Variants in CCDC77 observed in about 807,000 individuals in gnomAD.
The protein encoded by CCDC77 is coiled-coil domain-containing protein 77.
In CCDC77, 56 loss-of-function variants were observed where a neutral mutation model predicts 66.8. The ratio of observed to expected loss-of-function variants is 0.84; its 90% CI spans 0.68 to 1.05. The LOEUF is 1.05. Among genes scored for constraint, CCDC77 ranks in the 50% least tolerant of loss-of-function variants. CCDC77 has a pLI of 0.00. For missense variants in CCDC77, 570 were observed against 576.8 expected, an observed-to-expected ratio of 0.99 and a Z score of 0.12; for synonymous variants, 196 against 195.2, an observed-to-expected ratio of 1.00 and a Z score of -0.03.
At chr12:432,915 C>G (rs1260063397) in intron 8 of CCDC77, among the ~76,000 whole-genome samples, 1 of 152,116 alleles carries the variant, frequency 6.6e-6, no homozygotes, top group Non-Finnish European at 1.5e-5. Flanking sequence ...TGGTACACAC[C>G]TGTAGTCCTG....
chr12:412,970 G>T (rs11829106), intron 4 of CCDC77, among the ~76,000 whole-genome samples: 6,760 of 150,334 alleles, frequency 0.045, 462 homozygotes, highest in African/African-American at 0.15. Context: ...ACGGAGTCTC[G>T]CTCTGTCGCC....
chr12:411,850 C>G lies in CCDC77; in HGVS notation c.142C>G (p.Arg48Gly). The change falls in exon 4 of 13, where the codon CGT becomes GGT. Residue 48 changes from arginine to glycine, a missense_variant. Coordinates refer to ENST00000239830, the MANE Select transcript of CCDC77 (RefSeq NM_032358.4). The stretch of plus-strand genomic sequence containing the variant: ...AACCCCCTTGCCTTCCCCCGAAGAT[C>G]GTCTGGCCAAACTCCATCCTTCTAA... The part of the protein sequence containing the change: ...ESTPLPSPED[R>G]LAKLHPSKEL... The G allele has an allele frequency of 6.2e-7, 1 of 1,613,878 alleles. No homozygotes were observed. The highest frequency in any genetic ancestry group is 1.1e-5 in the South Asian group (1 of 91,076).
intron 10 of CCDC77, among the ~76,000 whole-genome samples, chr12:439,969 G>C (rs1474564760): frequency 6.6e-6 from 1 of 152,146 alleles, no homozygotes; most frequent in Non-Finnish European, 1.5e-5. Flanking sequence ...TACAGACCTT[G>C]AGGAAGAACA....
intron 4 of CCDC77, among the ~76,000 whole-genome samples, chr12:417,721 C>T (rs1945314097): frequency 6.6e-6 from 1 of 152,048 alleles, no homozygotes; most frequent in African/African-American, 2.4e-5. Flanking sequence ...TCAAGCCAGC[C>T]TGGCCAAAAT....
chr12:425,934 A>G (rs1484301667), intron 5 of CCDC77, among the ~76,000 whole-genome samples: 1 of 152,098 alleles, frequency 6.6e-6, no homozygotes, highest in African/African-American at 2.4e-5. Flanking sequence ...GCGTGATCGC[A>G]GCTCACTGCA....
At chr12:390,063 CTG>C (rs1262809129) in intron 1 of CCDC77, 1 of 133,164 alleles carries the variant, frequency 7.5e-6, no homozygotes, top group Non-Finnish European at 1.5e-5. Context: ...TAATTGTTCA[CTG>C]TTTCTTCAGT....
At chr12:439,488 C>A (rs936344485) in intron 10 of CCDC77, among the ~76,000 whole-genome samples, 5 of 150,630 alleles carry the variant, frequency 3.3e-5, no homozygotes, top group Non-Finnish European at 7.4e-5. Context: ...CGATTGTACT[C>A]CAGCCTGGGC....
upstream of CCDC77, among the ~76,000 whole-genome samples, chr12:399,324 A>G (rs1944867894): frequency 1.3e-5 from 2 of 152,160 alleles, no homozygotes; most frequent in African/African-American, 4.8e-5. Context: ...GGCATGCGCC[A>G]TCATGGCCAG....
chr12:399,051 C>T (rs1036483968), upstream of CCDC77, among the ~76,000 whole-genome samples: 1 of 152,170 alleles, frequency 6.6e-6, no homozygotes, highest in Non-Finnish European at 1.5e-5. Flanking sequence ...CTCACCAAGC[C>T]AAGTCACAAA....
At chr12:391,893 G>A (rs1291790935) in intron 1 of CCDC77, among the ~76,000 whole-genome samples, 2 of 152,176 alleles carry the variant, frequency 1.3e-5, no homozygotes, top group Non-Finnish European at 2.9e-5. Context: ...TCTCTGGTGC[G>A]AACAGAAGAA....
intron 7 of CCDC77, among the ~76,000 whole-genome samples, chr12:430,953 G>A (rs1323580291): frequency 6.6e-6 from 1 of 151,446 alleles, no homozygotes; most frequent in Non-Finnish European, 1.5e-5. Context: ...GGTGGCAGGC[G>A]CCTGTAATCC....
chr12:431,828 A>C (rs7310504), intron 7 of CCDC77, 38 bp from the exon 8 acceptor site: 1 of 1,336,204 alleles, frequency 7.5e-7, no homozygotes, highest in Non-Finnish European at 1.1e-6. Context: ...AGAAAAGCTG[A>C]GTAAAATCTT....
intron 1 of CCDC77, among the ~76,000 whole-genome samples, chr12:404,665 A>G (rs1184720161): frequency 6.6e-6 from 1 of 151,834 alleles, no homozygotes; most frequent in African/African-American, 2.4e-5. Context: ...GACAGTCACT[A>G]TGAAGGAGAA....
In CCDC77 at chr12:403,029, C is replaced by G. The variant is rs777445778; in HGVS notation, c.-71+1345C>G. 2.6e-5 allele frequency among the ~76,000 whole-genome samples: 4 copies of G among 152,278 alleles called. No individual in the cohort carries two copies. The East Asian group carries it at 5.8e-4, about 22-fold the overall frequency. On this transcript the variant is annotated intron_variant, in intron 1 of 12. Coordinates refer to ENST00000239830, the MANE Select transcript of CCDC77 (RefSeq NM_032358.4). Reference sequence around the variant, plus strand: ...TGAGTGATTTCTTTTTTAAGTTAAACGTTTCAAGTGCCAGTGGGACTATGG... The same window carrying G: ...TGAGTGATTTCTTTTTTAAGTTAAAGGTTTCAAGTGCCAGTGGGACTATGG...
In CCDC77 at chr12:438,404, A is replaced by C; in HGVS notation, c.891A>C (p.Gln297His). 1 of 1,614,156 alleles carries C rather than the reference A, an allele frequency of 6.2e-7. No individual in the cohort carries two copies. The highest frequency in any genetic ancestry group is 8.5e-7 in the Non-Finnish European group (1 of 1,179,998). Residue 297 changes from glutamine to histidine, a missense_variant, in exon 10 of 13, where the codon CAA (glutamine) becomes CAC (histidine). Gln to His is a conservative substitution (Grantham distance 24). Transcript: ENST00000239830. ...KDFLQLRSEN[Q>H]NKEKSWMLEK... is the part of the protein sequence containing the mutation. ...TTCTGCAACTCAGATCTGAAAACCA[A>C]AATAAAGAGAAGTCATGGATGCTTG...
In CCDC77 at chr12:441,893, T is replaced by C. The variant is rs765322704; in HGVS notation, c.1440T>C (p.Gly480=). The part of the protein sequence containing the change: ...ELKNLKSKVF[G]LENELRLC Reference sequence around the variant, plus strand: ...AGAATCTTAAGTCGAAAGTGTTTGGTCTGGAGAATGAACTTAGACTCTGTT... The same window carrying C: ...AGAATCTTAAGTCGAAAGTGTTTGGCCTGGAGAATGAACTTAGACTCTGTT... The change falls in exon 13 of 13, where the codon GGT becomes GGC. Residue 480 remains glycine (G), a synonymous_variant. Transcript: ENST00000239830. The C allele has an allele frequency of 1.2e-6, 2 of 1,613,924 alleles. No homozygotes were observed. The highest frequency in any genetic ancestry group is 2.7e-5 in the African/African-American group (2 of 74,872).
At position 440,686 on chromosome 12, in the gene CCDC77, GA is replaced by G; in HGVS notation, c.1113del (p.Glu372LysfsTer12). Reference protein sequence around the residue: ...NMYQEQCISLEEELARIREEE... With the variant: ...NMYQEQCISLXEELARIREEE... ...GTACCAAGAGCAGTGCATTTCCTTAGAAGAAGAACTTGCCCGAATTCGTGAG... is the reference window on the plus strand; with the variant it reads ...GTACCAAGAGCAGTGCATTTCCTTAGAGAAGAACTTGCCCGAATTCGTGAG... On this transcript the variant is annotated frameshift_variant, in exon 11 of 13. Transcript: ENST00000239830. LOFTEE classifies it high-confidence loss of function. 1 of 1,614,152 alleles carries G rather than the reference GA, an allele frequency of 6.2e-7. No individual in the cohort carries two copies. Among genetic ancestry groups the G allele is most frequent in the Non-Finnish European group, 8.5e-7 (1 of 1,180,034 alleles).
chr12:435,384 A>G (rs1303476934), intron 9 of CCDC77, among the ~76,000 whole-genome samples: 1 of 152,054 alleles, frequency 6.6e-6, no homozygotes, highest in Non-Finnish European at 1.5e-5. Context: ...GTTTCATGGT[A>G]TCACATGTAT....
intron 4 of CCDC77, among the ~76,000 whole-genome samples, chr12:414,074 T>C (rs1229949956): frequency 6.6e-6 from 1 of 151,290 alleles, no homozygotes; most frequent in Non-Finnish European, 1.5e-5. Context: ...TTTTCTAAAA[T>C]TTTCTTCCTT....
Sources: gnomAD v4.1 joint callset for allele counts (sites outside exome capture counted in the v4.1 genomes callset) on GRCh38, gnomAD v4.1.1 for gene constraint, MANE v1.5 for transcripts, NCBI Gene and HGNC (gene_info 2026-07-23, HGNC 2026-07-21) for gene names.